PRKN: variants seen among roughly 807,000 people sequenced by gnomAD.
PRKN encodes parkin RBR E3 ubiquitin protein ligase.
Under a neutral mutation model 59.5 loss-of-function variants are expected in PRKN, and 56 were observed. That is an observed-to-expected ratio of 0.94 (90% CI 0.76 to 1.18). PRKN has a LOEUF of 1.18. Ranked by LOEUF, PRKN falls within the 50% of genes most tolerant of loss-of-function variation. The pLI is 0.00. For synonymous variants in PRKN, 250 were observed against 222.1 expected (o/e 1.13, Z -1.12); for missense variants, 657 against 596.4 (o/e 1.10, Z -1.06).
chr6:162,206,291 TATC>T (rs1295117210), intron 3 of PRKN, among the ~76,000 whole-genome samples: 1 of 152,130 alleles, frequency 6.6e-6, no homozygotes, highest in African/African-American at 2.4e-5. Context: ...TGATTTCCAT[TATC>T]ATATGATATT....
intron 8 of PRKN, among the ~76,000 whole-genome samples, chr6:161,565,295 C>T (rs1403538477): frequency 1.3e-5 from 2 of 152,094 alleles, no homozygotes; most frequent in South Asian, 4.1e-4. Context: ...AGTGGATTGA[C>T]CTCACTCCAA....
Position 161,518,142 on chromosome 6 carries a change from G to A in PRKN, c.1083+30712C>T, listed in dbSNP as rs892414639. Among the ~76,000 whole-genome samples, 4 of 152,148 alleles carry A rather than the reference G, an allele frequency of 2.6e-5. No homozygotes were observed. Among genetic ancestry groups the A allele is most frequent in the Admixed American group, 2.0e-4 (3 of 15,274 alleles). On this transcript the variant is annotated intron_variant, in intron 9 of 11. Coordinates refer to ENST00000366898, the MANE Select transcript of PRKN (RefSeq NM_004562.3). This position sits in a 1 kb window ranked among gnomAD's most constrained non-coding sequence, Gnocchi z 5.0. Reference sequence around the variant, plus strand: ...CACTGGCCTGGGGATGGGGCCGGGGGCACTCACTGCCTCCCTCACTGGCAG... The same window carrying A: ...CACTGGCCTGGGGATGGGGCCGGGGACACTCACTGCCTCCCTCACTGGCAG...
Position 161,487,894 on chromosome 6 carries a change from CCT to C in PRKN, c.1083+60958_1083+60959del, listed in dbSNP as rs1365591075. On this transcript the variant is annotated intron_variant, in intron 9 of 11. Coordinates refer to ENST00000366898, the MANE Select transcript of PRKN (RefSeq NM_004562.3). This position sits in a 1 kb window ranked among gnomAD's most constrained non-coding sequence, Gnocchi z 5.3. The stretch of plus-strand genomic sequence containing the variant: ...CTTCCCACCTCCCCCTACCTTCCTT[CCT>C]CTTTTTCTTCCCTCCCGTCATTAAA... 1.3e-5 allele frequency among the ~76,000 whole-genome samples: 2 copies of C among 152,148 alleles called. No individual in the cohort carries two copies. Among genetic ancestry groups the C allele is most frequent in the Non-Finnish European group, 2.9e-5 (2 of 68,032 alleles).
At chr6:162,044,542 T>C (rs1297848833) in intron 5 of PRKN, among the ~76,000 whole-genome samples, 3 of 152,192 alleles carry the variant, frequency 2.0e-5, no homozygotes, top group African/African-American at 7.2e-5. Context: ...TGCTTTTCTA[T>C]CTCATCTTCC....
chr6:161,419,878 G>C lies in PRKN; in HGVS notation c.1084-33001C>G, dbSNP rs1030250648. On this transcript the variant is annotated intron_variant, in intron 9 of 11. Transcript: ENST00000366898. This position sits in a 1 kb window ranked among gnomAD's most constrained non-coding sequence, Gnocchi z 4.1. ...GGTACCTACTTGTGGGATTGCTGTAGAGATTCAAATACCGTGTTTAAGAAA... is the reference window on the plus strand; with the variant it reads ...GGTACCTACTTGTGGGATTGCTGTACAGATTCAAATACCGTGTTTAAGAAA... 6.6e-6 allele frequency among the ~76,000 whole-genome samples: 1 copy of C among 151,774 alleles called. No homozygotes were observed.
At chr6:161,766,846 G>A (rs1181671674) in intron 7 of PRKN, among the ~76,000 whole-genome samples, 1 of 152,218 alleles carries the variant, frequency 6.6e-6, no homozygotes, top group East Asian at 1.9e-4. Flanking sequence ...AGACATGAAA[G>A]AGGTTTTGTG....
At chr6:161,515,143 C>T (rs1778540527) in intron 9 of PRKN, among the ~76,000 whole-genome samples, 1 of 152,148 alleles carries the variant, frequency 6.6e-6, no homozygotes, top group African/African-American at 2.4e-5. Flanking sequence ...ACTGACATGT[C>T]CTGCTTTTAT....
At position 161,554,688 on chromosome 6, in the gene PRKN, A is replaced by G. The variant is rs1170669242; in HGVS notation, c.934-5685T>C. Among the ~76,000 whole-genome samples, 2 of 150,982 alleles carry G rather than the reference A, an allele frequency of 1.3e-5. No homozygotes were observed. The highest frequency in any genetic ancestry group is 2.1e-4 in the South Asian group (1 of 4,770). On this transcript the variant is annotated intron_variant, in intron 8 of 11. Coordinates refer to ENST00000366898, the MANE Select transcript of PRKN (RefSeq NM_004562.3). This position sits in a 1 kb window ranked among gnomAD's most constrained non-coding sequence, Gnocchi z 4.5. ...CTTACAGTATACATATAAGGAATATACAATCCTGATATACATACAGGGATT... is the reference window on the plus strand; with the variant it reads ...CTTACAGTATACATATAAGGAATATGCAATCCTGATATACATACAGGGATT...
At chr6:162,330,724 C>T (rs1294885666) in intron 2 of PRKN, among the ~76,000 whole-genome samples, 1 of 152,188 alleles carries the variant, frequency 6.6e-6, no homozygotes, top group African/African-American at 2.4e-5. Flanking sequence ...CTGGAAGTTA[C>T]AAATCCCCCT....
intron 7 of PRKN, among the ~76,000 whole-genome samples, chr6:161,657,483 G>A (rs772078918): frequency 1.3e-5 from 2 of 152,110 alleles, no homozygotes; most frequent in Non-Finnish European, 2.9e-5. Flanking sequence ...GCACCCACAG[G>A]CTGGCCTTTC....
At chr6:161,911,073 C>A (rs973041137) in intron 6 of PRKN, among the ~76,000 whole-genome samples, 1 of 152,088 alleles carries the variant, frequency 6.6e-6, no homozygotes, top group African/African-American at 2.4e-5. Context: ...TGCATTTTCT[C>A]CAAGGTATAC....
At chr6:161,443,079 G>A (rs12527666) in intron 9 of PRKN, among the ~76,000 whole-genome samples, 10 of 152,162 alleles carry the variant, frequency 6.6e-5, no homozygotes, top group Admixed American at 1.3e-4. Flanking sequence ...AGGCCAAGGC[G>A]GGTGGATCAC....
intron 7 of PRKN, among the ~76,000 whole-genome samples, chr6:161,679,875 C>A (rs532553324): frequency 2.4e-4 from 36 of 151,444 alleles, no homozygotes; most frequent in Admixed American, 9.8e-4. Context: ...CTGCCTCAGC[C>A]CCCCCAGGAG....
intron 4 of PRKN, among the ~76,000 whole-genome samples, chr6:162,148,144 C>G (rs1782108446): frequency 6.6e-6 from 1 of 152,128 alleles, no homozygotes; most frequent in African/African-American, 2.4e-5. Flanking sequence ...ATAAAACAAC[C>G]ATTGGATAAC....
At chr6:162,075,949 A>C (rs1778806483) in intron 4 of PRKN, among the ~76,000 whole-genome samples, 1 of 141,426 alleles carries the variant, frequency 7.1e-6, no homozygotes, top group African/African-American at 2.6e-5. Flanking sequence ...GTAGACATGA[A>C]AAAAGAAAGG....
chr6:161,489,170 T>C (rs1361738866), intron 9 of PRKN, among the ~76,000 whole-genome samples: 3 of 152,108 alleles, frequency 2.0e-5, no homozygotes, highest in Non-Finnish European at 4.4e-5. Context: ...TAATAGAAAT[T>C]GTTTTATTTA....
At chr6:161,885,480 C>G (rs546799277) in intron 6 of PRKN, among the ~76,000 whole-genome samples, 1 of 151,978 alleles carries the variant, frequency 6.6e-6, no homozygotes, top group Non-Finnish European at 1.5e-5. Context: ...CTGGCTAACA[C>G]AGTGAAACCC....
intron 2 of PRKN, among the ~76,000 whole-genome samples, chr6:162,404,369 G>C (rs77521019): frequency 7.5e-6 from 1 of 133,890 alleles, no homozygotes; most frequent in Admixed American, 7.6e-5. Flanking sequence ...GACTCTGTCA[G>C]AAAAAAAAAA....
chr6:161,902,549 T>TCTATC (rs55730017), intron 6 of PRKN, among the ~76,000 whole-genome samples: 2 of 96,962 alleles, frequency 2.1e-5, no homozygotes, highest in African/African-American at 6.5e-5. Flanking sequence ...TATCTATCTA[T>TCTATC]TTATTTATTT....
Sources: allele counts gnomAD v4.1 joint callset (sites outside exome capture counted in the v4.1 genomes callset), GRCh38; gene constraint gnomAD v4.1.1; non-coding constraint Gnocchi (gnomAD v3.1); transcripts MANE v1.5; gene names NCBI Gene and HGNC (gene_info 2026-07-23, HGNC 2026-07-21).